MUC5AC: variants seen among roughly 807,000 people sequenced by gnomAD.
The protein encoded by MUC5AC is mucin 5AC, oligomeric mucus/gel-forming.
Under a neutral mutation model 169.7 loss-of-function variants are expected in MUC5AC, and 158 were observed. The observed-to-expected ratio is 0.93, with a 90% CI of 0.82 to 1.06. MUC5AC has a LOEUF of 1.06. Among genes scored for constraint, MUC5AC ranks in the 50% least tolerant of loss-of-function variants. The pLI, the probability that MUC5AC is intolerant of heterozygous loss-of-function variation, is 0.00. For synonymous variants in MUC5AC, 1,975 were observed against 1,237.0 expected, an observed-to-expected ratio of 1.60 and a Z score of -12.52; for missense variants, 4,359 against 3,089.9, an observed-to-expected ratio of 1.41 and a Z score of -9.74.
At chr11:1,194,884 G>C in intron 35 of MUC5AC, 128 bp from the exon 36 acceptor site, 1 of 621,406 alleles carries the variant, frequency 1.6e-6, no homozygotes, top group South Asian at 1.8e-5. Flanking sequence ...GGGACAGTGA[G>C]GCACAGGCAG....
intron 36 of MUC5AC, 47 bp from the exon 37 acceptor site, chr11:1,195,829 G>A (rs1861257150): frequency 1.3e-6 from 1 of 747,786 alleles, no homozygotes; most frequent in African/African-American, 1.7e-5. Context: ...GGAGCAGGCA[G>A]GTGGCCGGAG....
intron 17 of MUC5AC, 36 bp downstream of exon 17, chr11:1,174,658 T>C: frequency 1.2e-6 from 1 of 833,824 alleles, no homozygotes; most frequent in Non-Finnish European, 1.9e-6. Context: ...TTTCCCTCGC[T>C]GGGTGGCCGC....
Position 1,182,193 on chromosome 11 carries a change from A to G in MUC5AC, c.4048A>G (p.Ser1350Gly). ...STHTPSNGPS[S>G]AHTGPPSSAW... ...GCACACCCCCAGCAATGGCCCAAGC[A>G]GCGCGCACACAGGCCCTCCGAGCAG... Residue 1350 changes from serine (S) to glycine (G), a missense_variant, in exon 31 of 49, where the codon AGC (serine) becomes GGC (glycine). By Grantham distance (56) the Ser-to-Gly change is moderately conservative (BLOSUM62 0). Coordinates refer to ENST00000621226, the MANE Select transcript of MUC5AC (RefSeq NM_001304359.2). 2 of 398,692 alleles carry G rather than the reference A, an allele frequency of 5.0e-6. No individual in the cohort carries two copies. The highest frequency in any genetic ancestry group is 4.4e-6 in the Non-Finnish European group (1 of 226,134). The allele number at this position is 398,692 out of a possible 1,614,324, so 24.7% of individuals were successfully genotyped here.
chr11:1,187,773 T>A lies in MUC5AC; in HGVS notation c.9628T>A (p.Ser3210Thr). Residue 3210 changes from serine to threonine, a missense_variant, in exon 31 of 49, where the codon TCC becomes ACC. Coordinates refer to ENST00000621226, the MANE Select transcript of MUC5AC (RefSeq NM_001304359.2). Reference protein sequence around the residue: ...SKTSTSHVSISKTTHSQPVTR... With the variant: ...SKTSTSHVSITKTTHSQPVTR... ...GACCAGCACAAGCCATGTTTCCATA[T>A]CCAAGACAACCCACTCCCAACCAGT... 1 of 764,956 alleles carries A rather than the reference T, an allele frequency of 1.3e-6. No individual in the cohort carries two copies. Among genetic ancestry groups the A allele is most frequent in the South Asian group, 1.3e-5 (1 of 74,612 alleles). The allele number at this position is 764,956 out of a possible 1,614,324, so 47.4% of individuals were successfully genotyped here. A position where few individuals can be genotyped will look rare whatever the true frequency, so the allele number is the denominator to read the frequency against.
chr11:1,177,707 G>A, intron 24 of MUC5AC, 74 bp downstream of exon 24: 1 of 398,220 alleles, frequency 2.5e-6, no homozygotes, highest in East Asian at 3.6e-5. Context: ...CAGGTGGGCA[G>A]AGACGAGAGG....
intron 3 of MUC5AC, 108 bp from the exon 4 acceptor site, chr11:1,161,799 C>T: frequency 2.1e-6 from 3 of 1,457,130 alleles, no homozygotes; most frequent in Non-Finnish European, 2.7e-6. Flanking sequence ...AGGGCAGCAG[C>T]ACTTCCTGCA....
In MUC5AC at chr11:1,186,336, A is replaced by T; in HGVS notation, c.8191A>T (p.Ser2731Cys). ...TTSTISAPTTSTTSATTTSTT... is the reference protein window; with the variant it reads ...TTSTISAPTTCTTSATTTSTT... ...CAGCACAATCTCGGCCCCAACAACC[A>T]GCACAACCTCTGCCACTACAACCAG... Residue 2731 changes from serine (S) to cysteine (C), a missense_variant, in exon 31 of 49, where the codon AGC becomes TGC. Ser to Cys is a moderately radical substitution (Grantham distance 112). Transcript: ENST00000621226. 1.4e-6 allele frequency: 1 copy of T among 721,722 alleles called. No individual in the cohort carries two copies. The highest frequency in any genetic ancestry group is 2.5e-6 in the Non-Finnish European group (1 of 396,048). 44.7% of individuals were successfully genotyped at this position (721,722 alleles called of 1,614,324 possible). A position where few individuals can be genotyped will look rare whatever the true frequency, so the allele number is the denominator to read the frequency against.
intron 15 of MUC5AC, among the ~76,000 whole-genome samples, chr11:1,170,547 GCCCACTCACCCACTCA>G (rs1233355456): frequency 2.9e-5 from 1 of 34,738 alleles, no homozygotes; most frequent in Non-Finnish European, 5.3e-5. Context: ...TCACTCACTC[GCCCACTCACCCACTCA>G]CCCACTCACC....
Position 1,182,439 on chromosome 11 carries a change from G to A in MUC5AC, c.4294G>A (p.Glu1432Lys), listed in dbSNP as rs1665674544. ...ESPRSVECRAEDAPGVPLRAL... is the reference protein window; with the variant it reads ...ESPRSVECRAKDAPGVPLRAL... ...ACCCAGGTCGGTGGAGTGCCGAGCT[G>A]AGGACGCCCCCGGAGTGCCGCTCCG... The change falls in exon 31 of 49, where the codon GAG (glutamate) becomes AAG (lysine). Residue 1432 changes from glutamate to lysine, a missense_variant. By Grantham distance (56) the Glu-to-Lys change is moderately conservative. Transcript: ENST00000621226. 2 of 398,564 alleles carry A rather than the reference G, an allele frequency of 5.0e-6. No homozygotes were observed. The highest frequency in any genetic ancestry group is 8.8e-6 in the Non-Finnish European group (2 of 226,114). The allele number at this position is 398,564 out of a possible 1,614,324, so 24.7% of individuals were successfully genotyped here. A position where few individuals can be genotyped will look rare whatever the true frequency, so the allele number is the denominator to read the frequency against.
At chr11:1,171,218 TCACC>T (rs1211108091) in intron 15 of MUC5AC, among the ~76,000 whole-genome samples, 7 of 101,802 alleles carry the variant, frequency 6.9e-5, no homozygotes, top group South Asian at 3.9e-4. Context: ...ACTTACTCAC[TCACC>T]CACTCACCCA....
chr11:1,165,256 C>G, intron 9 of MUC5AC, 46 bp from the exon 10 acceptor site: 9 of 1,537,558 alleles, frequency 5.9e-6, no homozygotes, highest in Non-Finnish European at 6.2e-6. Context: ...ACGCCCACTG[C>G]GTGGACACAG....
At chr11:1,179,558 C>T (rs1431095153) in intron 26 of MUC5AC, among the ~76,000 whole-genome samples, 11 of 142,186 alleles carry the variant, frequency 7.7e-5, no homozygotes, top group African/African-American at 1.1e-4. Context: ...GAGAGGAGGG[C>T]GTGGCTGATG....
rs1445773748 is a variant in MUC5AC at position 1,182,405 on chromosome 11, G to A, written c.4260G>A (p.Val1420=). 8.5e-5 allele frequency: 34 copies of A among 398,624 alleles called. No homozygotes were observed. The South Asian group carries it at 3.9e-3, about 46-fold the overall frequency. 24.7% of individuals were successfully genotyped at this position (398,624 alleles called of 1,614,324 possible). A position where few individuals can be genotyped will look rare whatever the true frequency, so the allele number is the denominator to read the frequency against. Residue 1420 remains valine, a synonymous_variant, in exon 31 of 49, where the codon GTG becomes GTA. Transcript: ENST00000621226. ...ACCTCCGCGCCCATGGGTACCGGGT[G>A]TGCGAATCACCCAGGTCGGTGGAGT... ...LENLRAHGYR[V]CESPRSVECR...
rs750551325 is a variant in MUC5AC at position 1,162,028 on chromosome 11, C to T, written c.333C>T (p.Cys111=). Residue 111 remains cysteine, a synonymous_variant, in exon 4 of 49, where the codon TGC becomes TGT. Transcript: ENST00000621226. ...GLCNYVFSEH[C]GAAYEDFNIQ... is the part of the protein sequence containing the mutation. ...GCAACTACGTGTTCTCCGAGCACTG[C>T]GGTGCCGCCTACGAGGATTTTAACA... 44 of 1,612,438 alleles carry T rather than the reference C, an allele frequency of 2.7e-5. No homozygotes were observed. Among genetic ancestry groups the T allele is most frequent in the African/African-American group, 8.0e-5 (6 of 74,932 alleles).
rs1174727912 is a variant in MUC5AC, at chr11:1,193,498, G to C, written c.14594G>C (p.Trp4865Ser). 1.3e-6 allele frequency: 1 copy of C among 744,914 alleles called. No homozygotes were observed. The highest frequency in any genetic ancestry group is 1.7e-5 in the African/African-American group (1 of 58,606). 46.1% of individuals were successfully genotyped at this position (744,914 alleles called of 1,614,324 possible). A position where few individuals can be genotyped will look rare whatever the true frequency, so the allele number is the denominator to read the frequency against. Residue 4865 changes from tryptophan to serine, a missense_variant, in exon 33 of 49, where the codon TGG becomes TCG. By Grantham distance (177) the Trp-to-Ser change is radical. Transcript: ENST00000621226. The stretch of plus-strand genomic sequence containing the variant: ...GTGCTTCTGCAGAAAGGTGAGACCT[G>C]GGCCACACCCAACTGCTCCGAGGCC... ...AVPPRKKGET[W>S]ATPNCSEATC...
At position 1,187,490 on chromosome 11, in the gene MUC5AC, C is replaced by A. The variant is rs1298329919; in HGVS notation, c.9345C>A (p.Ser3115Arg). ...TTSTTSASTA[S>R]KTSGLGTTPS... ...GCACAACCTCTGCCTCTACAGCCAG[C>A]AAAACCTCTGGTCTTGGAACTACTC... Residue 3115 changes from serine to arginine, a missense_variant, in exon 31 of 49, where the codon AGC becomes AGA. Ser to Arg is a moderately radical substitution (Grantham distance 110, BLOSUM62 -1). Transcript: ENST00000621226. The A allele has an allele frequency of 2.6e-5, 19 of 737,438 alleles. No individual in the cohort carries two copies. The highest frequency in any genetic ancestry group is 4.2e-5 in the Non-Finnish European group (17 of 404,194). The allele number at this position is 737,438 out of a possible 1,614,324, so 45.7% of individuals were successfully genotyped here.
chr11:1,159,547 GCGGGGC>G (rs1860067580), intron 1 of MUC5AC, among the ~76,000 whole-genome samples: 24,182 of 30,220 alleles, frequency 0.8, 11,157 homozygotes, highest in Non-Finnish European at 0.92. Flanking sequence ...GCGGGGCTGT[GCGGGGC>G]TGTGCGGGGC....
At chr11:1,160,535 A>C (rs1035198074) in intron 1 of MUC5AC, 77 bp from the exon 2 acceptor site, 7 of 1,292,782 alleles carry the variant, frequency 5.4e-6, no homozygotes, top group Non-Finnish European at 7.6e-6. Flanking sequence ...TCTGGTGTCC[A>C]TGCTGCATCT....
chr11:1,158,525 C>A (rs981414237), intron 1 of MUC5AC, among the ~76,000 whole-genome samples: 1 of 152,192 alleles, frequency 6.6e-6, no homozygotes, highest in Non-Finnish European at 1.5e-5. Flanking sequence ...GGATCTCCTG[C>A]GGGGGGAGGT....
Sources: gnomAD v4.1 joint callset for allele counts (sites outside exome capture counted in the v4.1 genomes callset) on GRCh38, gnomAD v4.1.1 for gene constraint, MANE v1.5 for transcripts, NCBI Gene and HGNC (gene_info 2026-07-23, HGNC 2026-07-21) for gene names.